The following PRKN variants were observed in gnomAD, a reference collection of about 807,000 sequenced individuals.
PRKN encodes the protein E3 ubiquitin-protein ligase parkin.
Under a neutral mutation model 59.5 loss-of-function variants are expected in PRKN, and 56 were observed. The observed-to-expected ratio is 0.94, with a 90% CI of 0.76 to 1.18. PRKN has a LOEUF of 1.18. Ranked by LOEUF, PRKN falls within the 50% of genes most tolerant of loss-of-function variation. PRKN has a pLI of 0.00. For missense variants in PRKN, 657 were observed against 596.4 expected (o/e 1.10, Z -1.06); for synonymous variants, 250 against 222.1 (o/e 1.13, Z -1.12).
intron 5 of PRKN, among the ~76,000 whole-genome samples, chr6:162,002,864 T>A (rs1226812524): frequency 2.6e-5 from 4 of 152,032 alleles, no homozygotes; most frequent in African/African-American, 7.2e-5. Context: ...TCTTGTGATT[T>A]ATTATTTGAC....
Position 161,680,752 on chromosome 6 carries a change from TATATATATATATA to T in PRKN, c.871+105007_871+105019del, listed in dbSNP as rs1785301258. On this transcript the variant is annotated intron_variant, in intron 7 of 11. Transcript: ENST00000366898. ...ATATATATATATATATATATATATA[TATATATATATATA>T]TATATATATATTTTTTTTTTTTTTT... Among the ~76,000 whole-genome samples the T allele has an allele frequency of 9.0e-4, 30 of 33,438 alleles. 1 individual carries two copies. Among genetic ancestry groups the T allele is most frequent in the African/African-American group, 3.6e-3 (26 of 7,208 alleles). 21.9% of individuals were successfully genotyped at this position (33,438 alleles called of 152,430 possible).
chr6:162,027,981 A>G (rs1173643431), intron 5 of PRKN, among the ~76,000 whole-genome samples: 1 of 151,926 alleles, frequency 6.6e-6, no homozygotes. Context: ...CCATATTGCC[A>G]GGATAAAAAA....
intron 4 of PRKN, among the ~76,000 whole-genome samples, chr6:162,196,566 A>G (rs1784504148): frequency 6.6e-6 from 1 of 152,162 alleles, no homozygotes; most frequent in African/African-American, 2.4e-5. Flanking sequence ...ATATTTCTAA[A>G]GGATTATAGT....
At chr6:161,673,931 G>A (rs1448568205) in intron 7 of PRKN, among the ~76,000 whole-genome samples, 1 of 152,188 alleles carries the variant, frequency 6.6e-6, no homozygotes, top group East Asian at 1.9e-4. Flanking sequence ...TGAAGCAGGA[G>A]ACACCATTAG....
At chr6:162,211,857 T>G (rs2023072) in intron 3 of PRKN, among the ~76,000 whole-genome samples, 25,862 of 152,186 alleles carry the variant, frequency 0.17, 2,400 homozygotes, top group Admixed American at 0.26. Context: ...TGGTGGTGAT[T>G]GAGATTCATA....
chr6:162,703,813 G>A (rs148122407), intron 1 of PRKN, among the ~76,000 whole-genome samples: 76 of 152,194 alleles, frequency 5.0e-4, no homozygotes, highest in African/African-American at 1.7e-3. Context: ...TATCTTTACC[G>A]GATTACCACT....
chr6:161,891,556 C>G (rs1183501063), intron 6 of PRKN, among the ~76,000 whole-genome samples: 1 of 152,140 alleles, frequency 6.6e-6, no homozygotes, highest in East Asian at 1.9e-4. Context: ...GAAACTACAG[C>G]AAGTTTGTTT....
At chr6:162,345,272 A>C (rs1218674078) in intron 2 of PRKN, among the ~76,000 whole-genome samples, 1 of 152,246 alleles carries the variant, frequency 6.6e-6, no homozygotes, top group Non-Finnish European at 1.5e-5. Flanking sequence ...GAATCAGGGC[A>C]GATGTTGGCT....
rs74298767 is a variant in PRKN at position 162,016,163 on chromosome 6, C to A, written c.618+37928G>T. On this transcript the variant is annotated intron_variant, in intron 5 of 11. Coordinates refer to ENST00000366898, the MANE Select transcript of PRKN (RefSeq NM_004562.3). Reference sequence around the variant, plus strand: ...TGTTTAAAATAATAATAAAAAAAAACTGAATCCATAGCAAAGGCGACACAT... The same window carrying A: ...TGTTTAAAATAATAATAAAAAAAAAATGAATCCATAGCAAAGGCGACACAT... 7.7e-5 allele frequency among the ~76,000 whole-genome samples: 11 copies of A among 143,442 alleles called. No homozygotes were observed. The South Asian group carries it at 2.2e-3, about 29-fold the overall frequency. 94.1% of individuals were successfully genotyped at this position (143,442 alleles called of 152,430 possible).
intron 6 of PRKN, among the ~76,000 whole-genome samples, chr6:161,816,155 G>A (rs6917867): frequency 0.3 from 46,177 of 151,892 alleles, 7,456 homozygotes; most frequent in African/African-American, 0.41. Context: ...TCCATGTGGC[G>A]GCAGGCTGCT....
At position 161,994,437 on chromosome 6, in the gene PRKN, C is replaced by T. The variant is rs1445015288; in HGVS notation, c.619-21020G>A. Among the ~76,000 whole-genome samples the T allele has an allele frequency of 2.0e-5, 3 of 152,056 alleles. 1 individual carries two copies. The highest frequency in any genetic ancestry group is 2.1e-4 in the South Asian group (1 of 4,826). Reference sequence around the variant, plus strand: ...AACATGACTAGGATGCCCACTCTCACTACTCCAATTCAACATAGTACTGAA... The same window carrying T: ...AACATGACTAGGATGCCCACTCTCATTACTCCAATTCAACATAGTACTGAA... On this transcript the variant is annotated intron_variant, in intron 5 of 11. Coordinates refer to ENST00000366898, the MANE Select transcript of PRKN (RefSeq NM_004562.3).
chr6:162,301,388 G>A (rs2128113524), intron 2 of PRKN, among the ~76,000 whole-genome samples: 1 of 152,180 alleles, frequency 6.6e-6, no homozygotes, highest in East Asian at 1.9e-4. Flanking sequence ...CTAAATATAT[G>A]TCTGTTCTTA....
chr6:162,561,141 C>T lies in PRKN; in HGVS notation c.8-117668G>A, dbSNP rs770375049. Reference sequence around the variant, plus strand: ...TGGTGTGAGATGCTGCAGTCCCAAGCGCATGGAGTGATGAAGATAAAGCTG... The same window carrying T: ...TGGTGTGAGATGCTGCAGTCCCAAGTGCATGGAGTGATGAAGATAAAGCTG... On this transcript the variant is annotated intron_variant, in intron 1 of 11. Transcript: ENST00000366898. Among the ~76,000 whole-genome samples, 18 of 152,190 alleles carry T rather than the reference C, an allele frequency of 1.2e-4. 1 individual carries two copies. In the South Asian group the frequency reaches 2.5e-3, roughly 21 times the overall value.
At chr6:161,557,614 G>C (rs1172615895) in intron 8 of PRKN, among the ~76,000 whole-genome samples, 3 of 152,176 alleles carry the variant, frequency 2.0e-5, no homozygotes, top group African/African-American at 7.2e-5. Flanking sequence ...CTCTGTAGGA[G>C]AGAACAGGCT....
At chr6:162,688,467 G>C (rs1777648741) in intron 1 of PRKN, among the ~76,000 whole-genome samples, 1 of 152,094 alleles carries the variant, frequency 6.6e-6, no homozygotes, top group Admixed American at 6.6e-5. Context: ...TTAAAAATAG[G>C]TCAATTGTAT....
At chr6:161,924,079 GC>G (rs1384853158) in intron 6 of PRKN, among the ~76,000 whole-genome samples, 1 of 152,152 alleles carries the variant, frequency 6.6e-6, no homozygotes, top group African/African-American at 2.4e-5. Flanking sequence ...CCTCTCTGGG[GC>G]TCAGATTCCT....
At chr6:162,168,556 CAAAAAAAAAAAAA>C (rs771060815) in intron 4 of PRKN, among the ~76,000 whole-genome samples, 1 of 47,316 alleles carries the variant, frequency 2.1e-5, no homozygotes, top group Non-Finnish European at 3.9e-5. Flanking sequence ...ATCTGTTTTA[CAAAAAAAAAAAAA>C]AAAAAAAAAA....
chr6:161,857,589 T>G (rs112783301), intron 6 of PRKN, among the ~76,000 whole-genome samples: 24 of 152,354 alleles, frequency 1.6e-4, no homozygotes, highest in African/African-American at 5.5e-4. Context: ...GGTGTGCCCA[T>G]ATGTCTGTAT....
intron 7 of PRKN, among the ~76,000 whole-genome samples, chr6:161,713,007 A>G: frequency 6.6e-6 from 1 of 152,282 alleles, no homozygotes; most frequent in South Asian, 2.1e-4. Flanking sequence ...GCCCCACAAG[A>G]CTAGAGACCT....
Sources: gnomAD v4.1 joint callset for allele counts (sites outside exome capture counted in the v4.1 genomes callset) on GRCh38, gnomAD v4.1.1 for gene constraint, MANE v1.5 for transcripts, NCBI Gene and HGNC (gene_info 2026-07-23, HGNC 2026-07-21) for gene names.